Variants in SF3B3 observed in about 807,000 individuals in gnomAD.
SF3B3 encodes splicing factor 3b subunit 3, also known as SAP 130.
SF3B3 carries 33 observed loss-of-function variants against 139.2 expected under a neutral mutation model. The ratio of observed to expected loss-of-function variants is 0.24; its 90% CI spans 0.18 to 0.32. SF3B3 has a LOEUF of 0.32. Ranked by LOEUF, SF3B3 falls within the 10% of genes least tolerant of loss-of-function variation. The pLI is 1.00. For missense variants in SF3B3, 818 were observed against 1,509.4 expected (o/e 0.54, Z 7.59); for synonymous variants, 596 against 563.6 (o/e 1.06, Z -0.81).
At chr16:70,530,577 C>T (rs1274668184) in intron 3 of SF3B3, among the ~76,000 whole-genome samples, 168 bp from the exon 4 acceptor site, 1 of 152,154 alleles carries the variant, frequency 6.6e-6, no homozygotes, top group African/African-American at 2.4e-5. Flanking sequence ...CCTCAGCCTC[C>T]CAAAGTGCTA....
At position 70,575,214 on chromosome 16, in the gene SF3B3, T is replaced by G. The variant is rs1277054480; in HGVS notation, c.*3401T>G. The G allele has an allele frequency of 6.7e-6, 1 of 148,486 alleles. No individual in the cohort carries two copies. Among genetic ancestry groups the G allele is most frequent in the Non-Finnish European group, 1.5e-5 (1 of 67,228 alleles). 9.2% of individuals were successfully genotyped at this position (148,486 alleles called of 1,614,324 possible). A position where few individuals can be genotyped will look rare whatever the true frequency, so the allele number is the denominator to read the frequency against. On this transcript the variant is annotated 3_prime_UTR_variant, in exon 26 of 26. Transcript: ENST00000302516. ...TTTTTTTCTTTTTTTTTTTTTTTTTTTTGAGATGAAGTCTTACTCTGTTGC... is the reference window on the plus strand; with the variant it reads ...TTTTTTTCTTTTTTTTTTTTTTTTTGTTGAGATGAAGTCTTACTCTGTTGC...
At chr16:70,564,141 T>A in intron 18 of SF3B3, 91 bp downstream of exon 18, 1 of 1,340,996 alleles carries the variant, frequency 7.5e-7, no homozygotes, top group Admixed American at 2.1e-5. Context: ...GAGGCTGAGG[T>A]GGGAGGATTG....
At chr16:70,541,478 T>C (rs11075767) in intron 8 of SF3B3, among the ~76,000 whole-genome samples, 191 bp from the exon 9 acceptor site, 59,812 of 152,086 alleles carry the variant, frequency 0.39, 12,334 homozygotes, top group South Asian at 0.65. Context: ...AAATACTCAC[T>C]GCACTTCCCA....
In SF3B3 at chr16:70,576,020, C is replaced by G. The variant is rs1196854808; in HGVS notation, c.*4207C>G. 2 of 152,046 alleles carry G rather than the reference C, an allele frequency of 1.3e-5. No individual in the cohort carries two copies. The highest frequency in any genetic ancestry group is 4.8e-5 in the African/African-American group (2 of 41,398). The allele number at this position is 152,046 out of a possible 1,614,324, so 9.4% of individuals were successfully genotyped here. ...ATTGCTTGAGCCCAGAAGTTTAAGA[C>G]CAGCCTAGGAAACAGACCCCATCTC... On this transcript the variant is annotated 3_prime_UTR_variant, in exon 26 of 26. Transcript: ENST00000302516.
Position 70,572,043 on chromosome 16 carries a change from C to A in SF3B3, c.*230C>A. 1.5e-6 allele frequency: 1 copy of A among 665,560 alleles called. No homozygotes were observed. The highest frequency in any genetic ancestry group is 2.7e-6 in the Non-Finnish European group (1 of 364,624). The allele number at this position is 665,560 out of a possible 1,614,324, so 41.2% of individuals were successfully genotyped here. On this transcript the variant is annotated 3_prime_UTR_variant, in exon 26 of 26. Coordinates refer to ENST00000302516, the MANE Select transcript of SF3B3 (RefSeq NM_012426.5). ...TCCCCACCTGGTACATGATACATGACCCCAGGTTCCAGTGTAGAACCTGAG... is the reference window on the plus strand; with the variant it reads ...TCCCCACCTGGTACATGATACATGAACCCAGGTTCCAGTGTAGAACCTGAG...
Position 70,552,135 on chromosome 16 carries a change from C to T in SF3B3, c.1403-2311C>T, listed in dbSNP as rs77076785. The stretch of plus-strand genomic sequence containing the variant: ...CCTCCTCCCTTCTTTGCCCCATTCT[C>T]TCCCATGAAAGTCAAAAGTTGTGTG... On this transcript the variant is annotated intron_variant, in intron 11 of 25. Coordinates refer to ENST00000302516, the MANE Select transcript of SF3B3 (RefSeq NM_012426.5). 6.6e-3 allele frequency among the ~76,000 whole-genome samples: 1,002 copies of T among 152,284 alleles called. 13 individuals carry two copies. Among genetic ancestry groups the T allele is most frequent in the African/African-American group, 0.023 (940 of 41,550 alleles).
At chr16:70,562,647 G>T (rs2151792426) in intron 17 of SF3B3, among the ~76,000 whole-genome samples, 1 of 152,118 alleles carries the variant, frequency 6.6e-6, no homozygotes, top group Admixed American at 6.5e-5. Context: ...CAGCCTTGTT[G>T]TAGCCTCATC....
intron 8 of SF3B3, 35 bp downstream of exon 8, chr16:70,539,242 G>C (rs2050196180): frequency 6.7e-7 from 1 of 1,495,090 alleles, no homozygotes; most frequent in Non-Finnish European, 9.3e-7. Context: ...GTTCACCCTG[G>C]TTGGGATAAA....
chr16:70,523,941 C>A lies in SF3B3; in HGVS notation c.-71+13C>A. 1 of 429,682 alleles carries A rather than the reference C, an allele frequency of 2.3e-6. No homozygotes were observed. Among genetic ancestry groups the A allele is most frequent in the East Asian group, 3.5e-5 (1 of 28,968 alleles). 26.6% of individuals were successfully genotyped at this position (429,682 alleles called of 1,614,324 possible). On this transcript the variant is annotated intron_variant, in intron 1 of 25. Transcript: ENST00000302516. ...TTCTCGCTGCAGGGTAAAAAAACAG[C>A]CTGGAGACTTCCCCGGGCCCGGGGA... is the stretch of plus-strand genomic sequence containing the variant.
intron 15 of SF3B3, among the ~76,000 whole-genome samples, chr16:70,559,259 T>C (rs1291017861): frequency 6.6e-5 from 10 of 152,250 alleles, no homozygotes. Context: ...TTTCTTTGCT[T>C]ACTATAAGTA....
chr16:70,532,675 A>C (rs2050132892), intron 5 of SF3B3, 55 bp downstream of exon 5: 1 of 1,553,406 alleles, frequency 6.4e-7, no homozygotes, highest in African/African-American at 1.4e-5. Context: ...TTTTATGCCC[A>C]AACCTAATAG....
At chr16:70,539,842 T>G (rs1023757429) in intron 8 of SF3B3, among the ~76,000 whole-genome samples, 66 of 150,816 alleles carry the variant, frequency 4.4e-4, no homozygotes, top group African/African-American at 1.6e-3. Flanking sequence ...AATGGTGTGA[T>G]CTCGGCTCAC....
rs2050452879 is a variant in SF3B3 at position 70,564,008 on chromosome 16, C to T, written c.2421C>T (p.Tyr807=). The T allele has an allele frequency of 6.2e-7, 1 of 1,614,042 alleles. No homozygotes were observed. Among genetic ancestry groups the T allele is most frequent in the African/African-American group, 1.3e-5 (1 of 74,914 alleles). The stretch of plus-strand genomic sequence containing the variant: ...TCATTGAAACGGACCACAATGCCTA[C>T]ACTGAGGCCACGAAAGCTCAGAGAA... ...LIIIETDHNA[Y]TEATKAQRKQ... Residue 807 remains tyrosine (Y), a synonymous_variant, in exon 18 of 26, where the codon TAC becomes TAT. Coordinates refer to ENST00000302516, the MANE Select transcript of SF3B3 (RefSeq NM_012426.5).
chr16:70,541,976 TTAA>T, intron 9 of SF3B3, 142 bp downstream of exon 9: 1 of 691,940 alleles, frequency 1.4e-6, no homozygotes. Flanking sequence ...CAAAAAACCA[TTAA>T]TAAGTCCTCG....
intron 23 of SF3B3, 73 bp downstream of exon 23, chr16:70,569,214 C>T: frequency 8.3e-6 from 9 of 1,090,152 alleles, no homozygotes; most frequent in Non-Finnish European, 1.1e-5. Flanking sequence ...GAAGAAATTG[C>T]CTTTGGTGAA....
chr16:70,571,652 T>C, intron 25 of SF3B3, 21 bp from the exon 26 acceptor site: 1 of 1,593,010 alleles, frequency 6.3e-7, no homozygotes, highest in Middle Eastern at 1.7e-4. Context: ...TTTTTTTCTT[T>C]CTGCTTTCTC....
intron 6 of SF3B3, among the ~76,000 whole-genome samples, chr16:70,536,329 G>A (rs1382012012): frequency 2.0e-5 from 3 of 151,558 alleles, no homozygotes; most frequent in Non-Finnish European, 4.4e-5. Flanking sequence ...TGCCACACCT[G>A]GCTAAATTTT....
chr16:70,562,404 A>G (rs1300464542), intron 17 of SF3B3, among the ~76,000 whole-genome samples: 1 of 152,216 alleles, frequency 6.6e-6, no homozygotes, highest in East Asian at 1.9e-4. Context: ...TGATAGATTA[A>G]TCACTATTGC....
chr16:70,526,482 GGGCTTGCTCT>G (rs1381703368), intron 1 of SF3B3, 95 bp from the exon 2 acceptor site: 1 of 576,216 alleles, frequency 1.7e-6, no homozygotes, highest in Admixed American at 3.4e-5. Flanking sequence ...TTTCTTAATA[GGGCTTGCTCT>G]GCTGGTTCTG....
Sources: allele counts gnomAD v4.1 joint callset (sites outside exome capture counted in the v4.1 genomes callset), GRCh38; gene constraint gnomAD v4.1.1; transcripts MANE v1.5; gene names NCBI Gene and HGNC (gene_info 2026-07-23, HGNC 2026-07-21).